Variants in SLC26A5 observed in about 807,000 individuals in gnomAD.
SLC26A5 encodes the protein solute carrier family 26 member 5.
In SLC26A5, 51 loss-of-function variants were observed where a neutral mutation model predicts 81.0. The ratio of observed to expected loss-of-function variants is 0.63; its 90% CI spans 0.50 to 0.80. The LOEUF (loss-of-function observed/expected upper bound fraction) is 0.80, where lower values mean the gene tolerates loss of function less well. Ranked by LOEUF, SLC26A5 falls within the 30% of genes least tolerant of loss-of-function variation. SLC26A5 has a pLI of 0.00. For synonymous variants in SLC26A5, 325 were observed against 332.8 expected (o/e 0.98, Z 0.25); for missense variants, 771 against 905.8 (o/e 0.85, Z 1.91).
At chr7:103,364,416 T>A (rs1188336334) in intron 19 of SLC26A5, 6 of 1,284,612 alleles carry the variant, frequency 4.7e-6, no homozygotes, top group Non-Finnish European at 6.5e-6. Context: ...AAATTTCTTT[T>A]TTCTTTTGTT....
intron 6 of SLC26A5, 90 bp from the exon 7 acceptor site, chr7:103,410,639 C>T (rs531579045): frequency 4.7e-6 from 6 of 1,286,390 alleles, no homozygotes; most frequent in Non-Finnish European, 6.6e-6. Flanking sequence ...TCTTTCTTGA[C>T]CATTTTCTTT....
intron 14 of SLC26A5, 33 bp downstream of exon 14, chr7:103,388,975 G>T (rs1219988154): frequency 1.4e-6 from 2 of 1,472,622 alleles, no homozygotes; most frequent in Non-Finnish European, 1.9e-6. Context: ...TCTCTGCCGG[G>T]ACATTCACAC....
In SLC26A5 at chr7:103,389,020, T is replaced by A. The variant is rs1489306742; in HGVS notation, c.1502A>T (p.Tyr501Phe). 1.9e-6 allele frequency: 3 copies of A among 1,611,336 alleles called. No individual in the cohort carries two copies. Among genetic ancestry groups the A allele is most frequent in the Non-Finnish European group, 2.5e-6 (3 of 1,177,750 alleles). The change falls in exon 14 of 20, where the codon TAC (tyrosine) becomes TTC (phenylalanine). Residue 501 changes from tyrosine (Y) to phenylalanine (F), a missense_variant. By Grantham distance (22) the Tyr-to-Phe change is conservative. Transcript: ENST00000306312. ...AVIIALLTVI[Y>F]RTQSPSYKVL... is the part of the protein sequence containing the mutation. ...TCTGGGCACTCACCTCTGTGTTCTG[T>A]AAATCACAGTCAGCAGAGCAATGAT... is the stretch of plus-strand genomic sequence containing the variant.
chr7:103,385,920 C>T (rs1391088193), intron 14 of SLC26A5, among the ~76,000 whole-genome samples: 3 of 144,400 alleles, frequency 2.1e-5, no homozygotes, highest in African/African-American at 5.4e-5. Flanking sequence ...CAAACGGGAG[C>T]TTTTTTCTTT....
intron 8 of SLC26A5, among the ~76,000 whole-genome samples, chr7:103,399,812 C>T (rs938822964): frequency 2.0e-5 from 3 of 152,154 alleles, no homozygotes; most frequent in African/African-American, 7.2e-5. Flanking sequence ...CAAGTGAGAA[C>T]ATGTGGTGTT....
chr7:103,430,993 A>T (rs750938712), intron 2 of SLC26A5, among the ~76,000 whole-genome samples: 1 of 152,230 alleles, frequency 6.6e-6, no homozygotes, highest in Non-Finnish European at 1.5e-5. Flanking sequence ...CCCTAAATTA[A>T]TAAATAGCAA....
chr7:103,410,164 G>A (rs1586316495), intron 7 of SLC26A5, among the ~76,000 whole-genome samples: 1 of 152,280 alleles, frequency 6.6e-6, no homozygotes, highest in East Asian at 1.9e-4. Flanking sequence ...AAAATTCCTT[G>A]TGAAGTAGGC....
At chr7:103,377,946 C>A in intron 17 of SLC26A5, 147 bp from the exon 18 acceptor site, 1 of 757,818 alleles carries the variant, frequency 1.3e-6, no homozygotes, top group South Asian at 1.5e-5. Flanking sequence ...ATATTCTAGC[C>A]TTGTAACTGA....
intron 12 of SLC26A5, 71 bp downstream of exon 12, chr7:103,390,358 A>T: frequency 7.4e-7 from 1 of 1,354,392 alleles, no homozygotes. Context: ...TAGCCATAAG[A>T]ACATAAACAA....
At chr7:103,372,894 A>AC (rs57405142), downstream of SLC26A5, among the ~76,000 whole-genome samples, 26 of 151,278 alleles carry the variant, frequency 1.7e-4, no homozygotes, top group Non-Finnish European at 3.5e-4. Context: ...AAAAAAAAAA[A>AC]CACTAATTTG....
Position 103,407,873 on chromosome 7 carries a change from G to GGCGCCGGCAATTTCTCTTTAA in SLC26A5, c.845_865dup (p.Ala288_Pro289insLeuLysGluLysLeuProAla). On this transcript the variant is annotated inframe_insertion, in exon 8 of 20. Transcript: ENST00000306312. ...TACCGCAAAGAACTCTAAAGGAATA[G>GGCGCCGGCAATTTCTCTTTAA]GCGCCGGCAATTTCTCTTTAAATCT... 6.2e-7 allele frequency: 1 copy of GGCGCCGGCAATTTCTCTTTAA among 1,614,124 alleles called. No homozygotes were observed. The highest frequency in any genetic ancestry group is 1.1e-5 in the South Asian group (1 of 91,080).
intron 8 of SLC26A5, among the ~76,000 whole-genome samples, chr7:103,400,288 T>C (rs1823481878): frequency 6.6e-6 from 1 of 152,212 alleles, no homozygotes. Context: ...TGGTATCCCG[T>C]TGTGGTTTTG....
At chr7:103,371,479 T>C (rs969926638), downstream of SLC26A5, among the ~76,000 whole-genome samples, 399 of 147,300 alleles carry the variant, frequency 2.7e-3, 4 homozygotes, top group Admixed American at 0.02. Flanking sequence ...CGCCCGCCAC[T>C]ACGCCCGGCT....
intron 16 of SLC26A5, 145 bp from the exon 17 acceptor site, chr7:103,378,698 C>T: frequency 1.3e-6 from 1 of 748,522 alleles, no homozygotes; most frequent in Non-Finnish European, 2.4e-6. Context: ...CCTCAGAGGC[C>T]CTGAACTGGT....
Position 103,378,437 on chromosome 7 carries a change from A to C in SLC26A5, c.1785+9T>G. ...CAGAACGGATTATTTCAATGAAAAG[A>C]CCACTCACTGCTTTGACAACAGTTG... On this transcript the variant is annotated intron_variant, in intron 17 of 19. Coordinates refer to ENST00000306312, the MANE Select transcript of SLC26A5 (RefSeq NM_198999.3). 6.2e-7 allele frequency: 1 copy of C among 1,611,996 alleles called. No homozygotes were observed. Among genetic ancestry groups the C allele is most frequent in the Non-Finnish European group, 8.5e-7 (1 of 1,178,044 alleles).
chr7:103,380,844 T>C (rs1821719683), intron 14 of SLC26A5, among the ~76,000 whole-genome samples: 1 of 150,764 alleles, frequency 6.6e-6, no homozygotes, highest in Non-Finnish European at 1.5e-5. Context: ...CACATCCCAA[T>C]ACCTACCTCA....
At position 103,421,431 on chromosome 7, in the gene SLC26A5, G is replaced by A. The variant is rs1305680995; in HGVS notation, c.84C>T (p.Leu28=). The stretch of plus-strand genomic sequence containing the variant: ...TGTCCTTTGTGTGTAGTCTTTCCTG[G>A]AGGACCGGATGACTAAAGATAGGCC... ...VERPIFSHPV[L]QERLHTKDKV... The change falls in exon 3 of 20, where the codon CTC becomes CTT. Residue 28 remains leucine, a synonymous_variant. Coordinates refer to ENST00000306312, the MANE Select transcript of SLC26A5 (RefSeq NM_198999.3). The A allele has an allele frequency of 6.2e-7, 1 of 1,614,022 alleles. No individual in the cohort carries two copies. The highest frequency in any genetic ancestry group is 1.1e-5 in the South Asian group (1 of 91,078).
chr7:103,415,682 T>A lies in SLC26A5; in HGVS notation c.293-2570A>T, dbSNP rs190138629. 3.9e-3 allele frequency among the ~76,000 whole-genome samples: 594 copies of A among 152,374 alleles called. 1 individual carries two copies. The highest frequency in any genetic ancestry group is 6.8e-3 in the Middle Eastern group (2 of 294). The stretch of plus-strand genomic sequence containing the variant: ...GATGCAAACTTAATTTTCCATTGTG[T>A]TTACCTTTCAGCTTTTCATTATGTG... On this transcript the variant is annotated intron_variant, in intron 4 of 19. Transcript: ENST00000306312.
At chr7:103,381,706 C>T (rs749491558) in intron 14 of SLC26A5, among the ~76,000 whole-genome samples, 6 of 151,614 alleles carry the variant, frequency 4.0e-5, no homozygotes, top group Non-Finnish European at 8.8e-5. Context: ...TACATACCCC[C>T]ACTACATGCC....
Sources: gnomAD v4.1 joint callset for allele counts (sites outside exome capture counted in the v4.1 genomes callset) on GRCh38, gnomAD v4.1.1 for gene constraint, MANE v1.5 for transcripts, NCBI Gene and HGNC (gene_info 2026-07-23, HGNC 2026-07-21) for gene names.